Variants in MARCHF6 observed in about 807,000 individuals in gnomAD.
MARCHF6 encodes the protein E3 ubiquitin-protein ligase MARCHF6.
A neutral mutation model predicts 133.7 loss-of-function variants in MARCHF6; 31 were observed. That is an observed-to-expected ratio of 0.23 (90% CI 0.17 to 0.31). The LOEUF (loss-of-function observed/expected upper bound fraction) is 0.31. Among genes scored for constraint, MARCHF6 ranks in the 10% least tolerant of loss-of-function variants. The pLI, the probability that MARCHF6 is intolerant of heterozygous loss-of-function variation, is 1.00. For missense variants in MARCHF6, 723 were observed against 1,121.6 expected (o/e 0.64, Z 5.08); for synonymous variants, 395 against 402.5 (o/e 0.98, Z 0.22).
chr5:10,400,785 A>G lies in MARCHF6; in HGVS notation c.915A>G (p.Ala305=), dbSNP rs1426502131. Residue 305 remains alanine (A), a splice_region_variant and synonymous_variant, in exon 11 of 26, where the codon GCA becomes GCG. Coordinates refer to ENST00000274140, the MANE Select transcript of MARCHF6 (RefSeq NM_005885.4). The part of the protein sequence containing the change: ...SLNTLFILVF[A]FCPYHIGHFS... ...ATGGAATTTTTTCCCCCTTTTTAGCATTTTGCCCTTACCATATTGGTCATT... is the reference window on the plus strand; with the variant it reads ...ATGGAATTTTTTCCCCCTTTTTAGCGTTTTGCCCTTACCATATTGGTCATT... 5 of 1,611,596 alleles carry G rather than the reference A, an allele frequency of 3.1e-6. 1 individual carries two copies. In the Admixed American group the frequency reaches 6.7e-5, roughly 22 times the overall value.
At position 10,387,757 on chromosome 5, in the gene MARCHF6, G is replaced by A. The variant is rs574574466; in HGVS notation, c.407+691G>A. 2.0e-5 allele frequency among the ~76,000 whole-genome samples: 3 copies of A among 152,194 alleles called. No homozygotes were observed. In the South Asian group the frequency reaches 6.2e-4, roughly 32 times the overall value. On this transcript the variant is annotated intron_variant, in intron 5 of 25. Transcript: ENST00000274140. Reference sequence around the variant, plus strand: ...GTGATCTCTGCTCACTGCAACTTCTGCCTTCTGGGTCTCCTACTTCAGCCT... The same window carrying A: ...GTGATCTCTGCTCACTGCAACTTCTACCTTCTGGGTCTCCTACTTCAGCCT...
intron 3 of MARCHF6, 151 bp downstream of exon 3, chr5:10,378,983 T>C (rs1736959419): frequency 3.9e-6 from 2 of 519,360 alleles, no homozygotes; most frequent in East Asian, 3.1e-5. Flanking sequence ...TTGATAGTAA[T>C]AGGAAGTATT....
intron 22 of MARCHF6, among the ~76,000 whole-genome samples, chr5:10,419,406 A>G (rs774627973): frequency 1.3e-5 from 2 of 152,184 alleles, no homozygotes; most frequent in Non-Finnish European, 2.9e-5. Flanking sequence ...GCGCATTGTG[A>G]TAGGCTGGGC....
chr5:10,428,928 T>C (rs1369163620), intron 24 of MARCHF6, among the ~76,000 whole-genome samples: 1 of 152,212 alleles, frequency 6.6e-6, no homozygotes, highest in Non-Finnish European at 1.5e-5. Context: ...TTGCCCTGTT[T>C]AGATGCTTTA....
At chr5:10,364,589 GA>G (rs1302955680) in intron 1 of MARCHF6, among the ~76,000 whole-genome samples, 3 of 152,176 alleles carry the variant, frequency 2.0e-5, no homozygotes, top group African/African-American at 7.2e-5. Context: ...TTGGAGTTGA[GA>G]AGGGGATACA....
chr5:10,421,300 A>G (rs1739808603), intron 22 of MARCHF6, among the ~76,000 whole-genome samples: 1 of 152,196 alleles, frequency 6.6e-6, no homozygotes, highest in Admixed American at 6.5e-5. Context: ...AGAATGCCCA[A>G]ATAAAATGTG....
In MARCHF6 at chr5:10,353,910, G is replaced by T; in HGVS notation, c.12G>T (p.Ala4=). 1 of 1,564,000 alleles carries T rather than the reference G, an allele frequency of 6.4e-7. No homozygotes were observed. The highest frequency in any genetic ancestry group is 8.6e-7 in the Non-Finnish European group (1 of 1,159,662). Residue 4 remains alanine, a synonymous_variant, in exon 1 of 26, where the codon GCG becomes GCT. Coordinates refer to ENST00000274140, the MANE Select transcript of MARCHF6 (RefSeq NM_005885.4). MDT[A]EEDICRVCRS... The stretch of plus-strand genomic sequence containing the variant: ...CCCCCCCAGACAAGATGGACACCGC[G>T]GAGGAAGGTAAGTCGGCGACGCGCG...
At chr5:10,377,549 CTTTGA>C (rs1365660403) in intron 1 of MARCHF6, among the ~76,000 whole-genome samples, 1 of 152,140 alleles carries the variant, frequency 6.6e-6, no homozygotes, top group Admixed American at 6.5e-5. Flanking sequence ...TTATTTTCGA[CTTTGA>C]TTTATTTAAA....
chr5:10,423,846 A>G (rs777826490), intron 23 of MARCHF6, 22 bp downstream of exon 23: 5 of 1,549,228 alleles, frequency 3.2e-6, no homozygotes, highest in Non-Finnish European at 4.4e-6. Flanking sequence ...CAGTTTTCAG[A>G]GAAAGACATT....
At chr5:10,381,992 C>G (rs1737176879) in intron 4 of MARCHF6, 49 bp downstream of exon 4, 1 of 1,526,558 alleles carries the variant, frequency 6.6e-7, no homozygotes, top group Non-Finnish European at 9.0e-7. Context: ...TGCATAACTA[C>G]TTAATATTAT....
At chr5:10,364,393 A>C (rs1448339658) in intron 1 of MARCHF6, among the ~76,000 whole-genome samples, 1 of 152,192 alleles carries the variant, frequency 6.6e-6, no homozygotes, top group African/African-American at 2.4e-5. Flanking sequence ...CCTCATCAGC[A>C]GGGCTGTATG....
intron 4 of MARCHF6, among the ~76,000 whole-genome samples, chr5:10,382,347 A>G (rs750832020): frequency 1.3e-5 from 2 of 151,540 alleles, no homozygotes; most frequent in Non-Finnish European, 2.9e-5. Context: ...GTTTGAGACT[A>G]GCCTGGCCAA....
At chr5:10,363,501 G>A (rs1735949225) in intron 1 of MARCHF6, among the ~76,000 whole-genome samples, 1 of 152,182 alleles carries the variant, frequency 6.6e-6, no homozygotes, top group South Asian at 2.1e-4. Flanking sequence ...AAGTGTTGGT[G>A]AGCATTGTAG....
At chr5:10,388,704 C>T (rs1737632097) in intron 5 of MARCHF6, among the ~76,000 whole-genome samples, 2 of 152,140 alleles carry the variant, frequency 1.3e-5, no homozygotes, top group African/African-American at 4.8e-5. Context: ...GGCTTCTTTA[C>T]ATGGTAGTCT....
chr5:10,377,921 T>C (rs1189063352), intron 2 of MARCHF6, 27 bp downstream of exon 2: 2 of 1,409,364 alleles, frequency 1.4e-6, no homozygotes, highest in African/African-American at 2.8e-5. Flanking sequence ...GAAAGTTATG[T>C]AAGTCTGAGC....
At chr5:10,421,219 C>G (rs1458440473) in intron 22 of MARCHF6, among the ~76,000 whole-genome samples, 5 of 152,116 alleles carry the variant, frequency 3.3e-5, no homozygotes, top group Non-Finnish European at 7.4e-5. Flanking sequence ...GAGGCATGAG[C>G]AAGGCTGTTT....
intron 1 of MARCHF6, among the ~76,000 whole-genome samples, chr5:10,365,147 C>CAAG (rs1348508170): frequency 3.9e-5 from 6 of 152,050 alleles, no homozygotes; most frequent in African/African-American, 1.4e-4. Flanking sequence ...CATTGACAGA[C>CAAG]TCTAACTTAA....
At chr5:10,364,449 G>A (rs895436079) in intron 1 of MARCHF6, among the ~76,000 whole-genome samples, 1 of 152,140 alleles carries the variant, frequency 6.6e-6, no homozygotes, top group Non-Finnish European at 1.5e-5. Context: ...GCAGGAGCTA[G>A]AAAACACCCC....
intron 22 of MARCHF6, chr5:10,421,944 C>T (rs533797894): frequency 3.3e-5 from 5 of 152,258 alleles, no homozygotes; most frequent in South Asian, 2.1e-4. Context: ...GCTTAGCAGC[C>T]GCAGAAAGGA....
Sources: gnomAD v4.1 joint callset for allele counts (sites outside exome capture counted in the v4.1 genomes callset) on GRCh38, gnomAD v4.1.1 for gene constraint, MANE v1.5 for transcripts, NCBI Gene and HGNC (gene_info 2026-07-23, HGNC 2026-07-21) for gene names.